The following MCPH1 variants were observed in gnomAD, a reference collection of about 807,000 sequenced individuals.
MCPH1 encodes microcephalin.
Under a neutral mutation model 84.5 loss-of-function variants are expected in MCPH1, and 104 were observed. The observed-to-expected ratio is 1.23, with a 90% confidence interval of 1.05 to 1.45. The LOEUF (loss-of-function observed/expected upper bound fraction) is 1.45. Among genes scored for constraint, MCPH1 ranks in the 40% most tolerant of loss-of-function variants. The pLI is 0.00. For missense variants in MCPH1, 1,498 were observed against 1,005.7 expected, an observed-to-expected ratio of 1.49 and a Z score of -6.62; for synonymous variants, 514 against 366.8, an observed-to-expected ratio of 1.40 and a Z score of -4.58.
intron 9 of MCPH1, among the ~76,000 whole-genome samples, chr8:6,472,177 C>T (rs1435345744): frequency 1.3e-5 from 2 of 151,738 alleles, no homozygotes. Flanking sequence ...CAAAATAGTC[C>T]CAAGACATAA....
chr8:6,596,838 A>G lies in MCPH1; in HGVS notation c.2215-24616A>G, dbSNP rs772921666. Among the ~76,000 whole-genome samples, 15 of 152,338 alleles carry G rather than the reference A, an allele frequency of 9.8e-5. 1 individual carries two copies. The South Asian group carries it at 2.7e-3, about 27-fold the overall frequency. ...GCTAAGACACATGCAGCGGAGAATAATCATTATTGACCATGAAATAGCTAA... is the reference window on the plus strand; with the variant it reads ...GCTAAGACACATGCAGCGGAGAATAGTCATTATTGACCATGAAATAGCTAA... On this transcript the variant is annotated intron_variant, in intron 12 of 13. Coordinates refer to ENST00000344683, the MANE Select transcript of MCPH1 (RefSeq NM_024596.5).
intron 12 of MCPH1, among the ~76,000 whole-genome samples, chr8:6,553,892 G>A (rs911271450): frequency 2.6e-5 from 4 of 152,024 alleles, no homozygotes; most frequent in East Asian, 1.9e-4. Context: ...GCGTATTTTC[G>A]CCTTTTGCTG....
intron 12 of MCPH1, among the ~76,000 whole-genome samples, chr8:6,619,897 A>G (rs991080968): frequency 2.0e-5 from 3 of 152,156 alleles, no homozygotes; most frequent in Admixed American, 6.5e-5. Context: ...TACTTTCATA[A>G]TTAACTTTTT....
Position 6,581,779 on chromosome 8 carries a change from T to C in MCPH1, c.2215-39675T>C, listed in dbSNP as rs1020655235. Among the ~76,000 whole-genome samples, 11 of 152,214 alleles carry C rather than the reference T, an allele frequency of 7.2e-5. No homozygotes were observed. The South Asian group carries it at 8.3e-4, about 11-fold the overall frequency. On this transcript the variant is annotated intron_variant, in intron 12 of 13. Transcript: ENST00000344683. Reference sequence around the variant, plus strand: ...GTGTCTTATAAACGATAGAAATTTATTTCTCACAGTTCTGGAGGCTGAGAA... The same window carrying C: ...GTGTCTTATAAACGATAGAAATTTACTTCTCACAGTTCTGGAGGCTGAGAA...
intron 8 of MCPH1, among the ~76,000 whole-genome samples, 180 bp from the exon 9 acceptor site, chr8:6,454,963 A>G (rs1805516423): frequency 6.6e-6 from 1 of 152,228 alleles, no homozygotes; most frequent in South Asian, 2.1e-4. Context: ...ATTGCTTGGG[A>G]TATTGGAATG....
At chr8:6,477,437 T>C in intron 9 of MCPH1, 157 bp from the exon 10 acceptor site, 2 of 640,080 alleles carry the variant, frequency 3.1e-6, no homozygotes, top group South Asian at 3.9e-5. Flanking sequence ...GCCTGTTTTT[T>C]CCAGGAATAT....
intron 12 of MCPH1, among the ~76,000 whole-genome samples, chr8:6,528,762 C>T (rs1273355638): frequency 6.6e-6 from 1 of 152,176 alleles, no homozygotes; most frequent in Non-Finnish European, 1.5e-5. Context: ...GCCAAGGAAC[C>T]GGAGACCTTG....
chr8:6,593,913 C>T (rs1828714640), intron 12 of MCPH1, among the ~76,000 whole-genome samples: 1 of 152,246 alleles, frequency 6.6e-6, no homozygotes, highest in African/African-American at 2.4e-5. Flanking sequence ...TCCCTCCCAT[C>T]AGAAGGACCC....
At chr8:6,589,790 C>G (rs1828294326) in intron 12 of MCPH1, among the ~76,000 whole-genome samples, 1 of 152,132 alleles carries the variant, frequency 6.6e-6, no homozygotes, top group Non-Finnish European at 1.5e-5. Flanking sequence ...GATTTCCAAA[C>G]CATTATATAG....
intron 12 of MCPH1, among the ~76,000 whole-genome samples, chr8:6,517,949 A>G (rs1329995221): frequency 1.3e-5 from 2 of 152,240 alleles, no homozygotes; most frequent in Non-Finnish European, 2.9e-5. Flanking sequence ...CCTGCTGTGT[A>G]AATGAGTTTC....
chr8:6,504,317 C>CAAAAAAA (rs35379672), intron 12 of MCPH1, among the ~76,000 whole-genome samples: 4 of 85,884 alleles, frequency 4.7e-5, no homozygotes, highest in Middle Eastern at 6.3e-3. Flanking sequence ...GACTCCAGCT[C>CAAAAAAA]AAAAAAAAAA....
intron 13 of MCPH1, among the ~76,000 whole-genome samples, chr8:6,624,317 G>C (rs1013330895): frequency 1.3e-5 from 2 of 152,202 alleles, no homozygotes. Context: ...TGTGCCCTTG[G>C]TAACATCTGG....
chr8:6,428,619 C>T (rs1259357961), intron 3 of MCPH1, among the ~76,000 whole-genome samples: 1 of 152,192 alleles, frequency 6.6e-6, no homozygotes, highest in African/African-American at 2.4e-5. Flanking sequence ...ATATGATATA[C>T]GGCCTTCATG....
intron 12 of MCPH1, among the ~76,000 whole-genome samples, chr8:6,550,220 T>C (rs1823388006): frequency 6.6e-6 from 1 of 152,206 alleles, no homozygotes; most frequent in Non-Finnish European, 1.5e-5. Context: ...TGGCTACCGC[T>C]AGGTGGCTGC....
chr8:6,481,862 G>A (rs1022497143), intron 11 of MCPH1, among the ~76,000 whole-genome samples: 5 of 152,198 alleles, frequency 3.3e-5, no homozygotes, highest in Non-Finnish European at 2.9e-5. Flanking sequence ...CTCTCATCCA[G>A]GGTTTTGTTT....
At chr8:6,568,800 G>T (rs1826431845) in intron 12 of MCPH1, among the ~76,000 whole-genome samples, 1 of 152,242 alleles carries the variant, frequency 6.6e-6, no homozygotes, top group Admixed American at 6.5e-5. Context: ...GCTACAGTCT[G>T]CTTTCCTCCC....
intron 3 of MCPH1, among the ~76,000 whole-genome samples, chr8:6,427,189 A>G (rs1183651249): frequency 2.6e-5 from 4 of 152,220 alleles, no homozygotes; most frequent in African/African-American, 7.2e-5. Flanking sequence ...GTACACCTAC[A>G]TAGGGCGTTT....
chr8:6,501,793 G>C (rs1357439408), intron 12 of MCPH1: 1 of 152,010 alleles, frequency 6.6e-6, no homozygotes, highest in African/African-American at 2.4e-5. Flanking sequence ...CTGACCTCAG[G>C]TGATCTGCCC....
chr8:6,620,723 G>C (rs551839626), intron 12 of MCPH1, among the ~76,000 whole-genome samples: 2 of 152,318 alleles, frequency 1.3e-5, no homozygotes, highest in South Asian at 2.1e-4. Flanking sequence ...CCAACCCGTA[G>C]TTAGGAAAAT....
Sources: gnomAD v4.1 joint callset for allele counts (sites outside exome capture counted in the v4.1 genomes callset) on GRCh38, gnomAD v4.1.1 for gene constraint, MANE v1.5 for transcripts, NCBI Gene and HGNC (gene_info 2026-07-23, HGNC 2026-07-21) for gene names.